The following UGT2A1 variants were observed in gnomAD, a reference collection of about 807,000 sequenced individuals.
UGT2A1 encodes UDP-glucuronosyltransferase 2A1.
In UGT2A1, 61 loss-of-function variants were observed where a neutral mutation model predicts 45.4. That is an observed-to-expected ratio of 1.34 (90% CI 1.09 to 1.66). UGT2A1 has a LOEUF of 1.66. UGT2A1 is among the 40% of genes most tolerant of loss of function. The probability of loss-of-function intolerance (pLI) is 0.00; values close to 1 mark genes in which losing one functional copy is unlikely to be tolerated. For missense variants in UGT2A1, 649 were observed against 574.3 expected (o/e 1.13, Z -1.33); for synonymous variants, 229 against 196.2 (o/e 1.17, Z -1.40).
chr4:69,637,908 AAGGC>A (rs140477220), intron 2 of UGT2A1, among the ~76,000 whole-genome samples: 7,737 of 150,206 alleles, frequency 0.052, 278 homozygotes, highest in African/African-American at 0.095. Context: ...GGCAAGAAGG[AAGGC>A]AGGCAGGCAG....
rs539200967 is a variant in UGT2A1 at position 69,605,406 on chromosome 4, G to A, written c.848-6012C>T. ...AAGACACAACATACCAGAATCTCTG[G>A]GACACATTCAAAGCAGTGTGTAGAG... On this transcript the variant is annotated intron_variant, in intron 3 of 6. Transcript: ENST00000286604. Among the ~76,000 whole-genome samples, 14 of 136,610 alleles carry A rather than the reference G, an allele frequency of 1.0e-4. 3 individuals carry two copies. Among genetic ancestry groups the A allele is most frequent in the Middle Eastern group, 7.6e-3 (2 of 262 alleles). The allele number at this position is 136,610 out of a possible 152,430, so 89.6% of individuals were successfully genotyped here.
Position 69,611,949 on chromosome 4 carries a change from T to C in UGT2A1, c.848-12555A>G, listed in dbSNP as rs143873536. Among the ~76,000 whole-genome samples, 781 of 152,206 alleles carry C rather than the reference T, an allele frequency of 5.1e-3. 9 individuals are homozygous for C. The highest frequency in any genetic ancestry group is 0.017 in the African/African-American group (714 of 41,560). On this transcript the variant is annotated intron_variant, in intron 3 of 6. Coordinates refer to ENST00000286604, the MANE Select transcript of UGT2A1 (RefSeq NM_001252275.3). ...AAATAAATTCCATTACATGGAAATG[T>C]ATAGCAAGAAAAATTTCCTCTGTTG...
In UGT2A1 at chr4:69,594,496, T is replaced by C. The variant is rs1718789903; in HGVS notation, c.1285A>G (p.Thr429Ala). Residue 429 changes from threonine to alanine, a missense_variant, in exon 6 of 7, where the codon ACA becomes GCA. Coordinates refer to ENST00000286604, the MANE Select transcript of UGT2A1 (RefSeq NM_001252275.3). The stretch of plus-strand genomic sequence containing the variant: ...ACTTACGAAGGTTCATTAATGACTG[T>C]TCTCAAAGCGCTAAGCAAATCCACA... ...TSVDLLSALR[T>A]VINEPSYKEN... 18 of 1,614,184 alleles carry C rather than the reference T, an allele frequency of 1.1e-5. No individual in the cohort carries two copies. Among genetic ancestry groups the C allele is most frequent in the Non-Finnish European group, 1.4e-5 (17 of 1,180,030 alleles).
chr4:69,646,476 G>A (rs2054850452), intron 2 of UGT2A1, among the ~76,000 whole-genome samples: 1 of 151,716 alleles, frequency 6.6e-6, no homozygotes, highest in East Asian at 1.9e-4. Context: ...GTTTCTTTAT[G>A]AGCCTTAATA....
chr4:69,620,337 C>A (rs193223944), intron 3 of UGT2A1, among the ~76,000 whole-genome samples: 4 of 136,746 alleles, frequency 2.9e-5, no homozygotes, highest in Non-Finnish European at 6.5e-5. Context: ...TATACACCAA[C>A]AGCGAAGCAG....
chr4:69,637,648 T>C (rs1233875482), intron 2 of UGT2A1, among the ~76,000 whole-genome samples: 5 of 152,160 alleles, frequency 3.3e-5, no homozygotes, highest in Admixed American at 3.3e-4. Flanking sequence ...CTAAGAACTA[T>C]CTGTTCTTCT....
chr4:69,634,426 G>A (rs1315276363), intron 3 of UGT2A1, among the ~76,000 whole-genome samples: 1 of 152,012 alleles, frequency 6.6e-6, no homozygotes, highest in Non-Finnish European at 1.5e-5. Flanking sequence ...GTGGGGATAG[G>A]AAACGGAGAG....
chr4:69,617,680 C>T lies in UGT2A1; in HGVS notation c.847+18011G>A, dbSNP rs569633778. The stretch of plus-strand genomic sequence containing the variant: ...TAGCAACATACAGGGTCCATTAAGA[C>T]GTTCTTTAAAATACTAAAATAATAT... On this transcript the variant is annotated intron_variant, in intron 3 of 6. Transcript: ENST00000286604. Among the ~76,000 whole-genome samples the T allele has an allele frequency of 1.7e-4, 26 of 151,604 alleles. No homozygotes were observed. The East Asian group carries it at 1.7e-3, about 10-fold the overall frequency.
intron 3 of UGT2A1, among the ~76,000 whole-genome samples, chr4:69,628,158 T>C (rs950848454): frequency 6.6e-6 from 1 of 151,916 alleles, no homozygotes; most frequent in Admixed American, 6.6e-5. Flanking sequence ...ATATTTAATT[T>C]GTCTCAGGGC....
At chr4:69,632,429 G>A (rs1038621337) in intron 3 of UGT2A1, among the ~76,000 whole-genome samples, 10 of 152,014 alleles carry the variant, frequency 6.6e-5, no homozygotes, top group African/African-American at 1.9e-4. Flanking sequence ...GTACACCCAC[G>A]TTATGATTTC....
At chr4:69,590,035 A>G (rs997688447) in intron 6 of UGT2A1, among the ~76,000 whole-genome samples, 5 of 152,214 alleles carry the variant, frequency 3.3e-5, no homozygotes, top group Non-Finnish European at 5.9e-5. Context: ...ACATAAACAT[A>G]TCCTCTAGTG....
intron 3 of UGT2A1, among the ~76,000 whole-genome samples, chr4:69,610,974 A>T (rs539099826): frequency 3.5e-4 from 52 of 149,018 alleles, no homozygotes; most frequent in African/African-American, 1.2e-3. Context: ...ATTCTTAAAG[A>T]TAATAGTTGG....
intron 2 of UGT2A1, among the ~76,000 whole-genome samples, chr4:69,642,635 A>G (rs576493297): frequency 3.3e-5 from 5 of 151,852 alleles, no homozygotes; most frequent in African/African-American, 1.2e-4. Flanking sequence ...CAGTTCATGC[A>G]AAGATCTAGA....
chr4:69,628,504 T>C (rs1721214590), intron 3 of UGT2A1, among the ~76,000 whole-genome samples: 1 of 150,838 alleles, frequency 6.6e-6, no homozygotes, highest in African/African-American at 2.4e-5. Flanking sequence ...GAACAAAGAG[T>C]AGTCTCTTCA....
chr4:69,627,478 A>G (rs1455637064), intron 3 of UGT2A1, among the ~76,000 whole-genome samples: 1 of 149,990 alleles, frequency 6.7e-6, no homozygotes, highest in East Asian at 2.0e-4. Flanking sequence ...GCAGGCAGGC[A>G]GGCAGGCAGG....
At chr4:69,644,236 C>A (rs1722158467) in intron 2 of UGT2A1, among the ~76,000 whole-genome samples, 1 of 151,498 alleles carries the variant, frequency 6.6e-6, no homozygotes, top group South Asian at 2.1e-4. Flanking sequence ...AACTTACAGG[C>A]AAAATAAAAT....
At chr4:69,596,247 G>A in intron 4 of UGT2A1, 4 of 1,569,880 alleles carry the variant, frequency 2.5e-6, no homozygotes, top group Non-Finnish European at 2.6e-6. Flanking sequence ...AGGCTGTACT[G>A]ACCTTCTGTG....
intron 2 of UGT2A1, among the ~76,000 whole-genome samples, chr4:69,636,668 T>G (rs7692074): frequency 0.24 from 36,732 of 151,970 alleles, 4,681 homozygotes; most frequent in African/African-American, 0.27. Flanking sequence ...TAGATTTTTT[T>G]GGCTACTTTC....
At chr4:69,628,091 A>G (rs1282082608) in intron 3 of UGT2A1, among the ~76,000 whole-genome samples, 2 of 152,030 alleles carry the variant, frequency 1.3e-5, no homozygotes, top group East Asian at 1.9e-4. Context: ...GTCAATGTCA[A>G]GAAGCATTTC....
Sources: allele counts gnomAD v4.1 joint callset (sites outside exome capture counted in the v4.1 genomes callset), GRCh38; gene constraint gnomAD v4.1.1; transcripts MANE v1.5; gene names NCBI Gene and HGNC (gene_info 2026-07-23, HGNC 2026-07-21).